C12orf42: variants seen among roughly 807,000 people sequenced by gnomAD.
C12orf42 encodes chromosome 12 open reading frame 42, also known as uncharacterized protein C12orf42.
C12orf42 carries 25 observed loss-of-function variants against 21.6 expected under a neutral mutation model. That is an observed-to-expected ratio of 1.16 (90% confidence interval 0.84 to 1.62). C12orf42 has a LOEUF of 1.62. Among genes scored for constraint, C12orf42 ranks in the 40% most tolerant of loss-of-function variants. The pLI, the probability that C12orf42 is intolerant of heterozygous loss-of-function variation, is 0.00. For missense variants in C12orf42, 483 were observed against 459.3 expected, an observed-to-expected ratio of 1.05 and a Z score of -0.47; for synonymous variants, 174 against 175.0, an observed-to-expected ratio of 0.99 and a Z score of 0.05.
the C12orf42 span, among the ~76,000 whole-genome samples, chr12:103,521,999 C>G: frequency 6.6e-6 from 1 of 152,182 alleles, no homozygotes; most frequent in African/African-American, 2.4e-5. Context: ...GTTGTGCTGT[C>G]TCCTGGTTGG....
At chr12:103,320,882 G>A (rs186141429) in intron 4 of C12orf42, among the ~76,000 whole-genome samples, 1 of 152,242 alleles carries the variant, frequency 6.6e-6, no homozygotes, top group Admixed American at 6.5e-5. Flanking sequence ...TGTCTTAGGT[G>A]AGTATACCTT....
At chr12:103,175,478 A>C in the C12orf42 span, among the ~76,000 whole-genome samples, 1 of 152,242 alleles carries the variant, frequency 6.6e-6, no homozygotes, top group Non-Finnish European at 1.5e-5. Context: ...TAAAATGCAT[A>C]TGCCCTAAAA....
chr12:103,350,561 A>G (rs1468741292), intron 4 of C12orf42, among the ~76,000 whole-genome samples: 2 of 152,168 alleles, frequency 1.3e-5, no homozygotes, highest in East Asian at 1.9e-4. Context: ...AAACTTCATC[A>G]TATCTATGTA....
At chr12:103,222,011 G>A in the C12orf42 span, among the ~76,000 whole-genome samples, 2 of 152,168 alleles carry the variant, frequency 1.3e-5, no homozygotes, top group Non-Finnish European at 2.9e-5. Context: ...CAATTTGGTA[G>A]GCATCAACAT....
chr12:103,066,938 G>A, the C12orf42 span, among the ~76,000 whole-genome samples: 1 of 152,138 alleles, frequency 6.6e-6, no homozygotes, highest in African/African-American at 2.4e-5. Flanking sequence ...TGCCCAATGG[G>A]CCCATGAACA....
the C12orf42 span, among the ~76,000 whole-genome samples, chr12:103,158,011 T>A: frequency 1.2e-4 from 18 of 152,218 alleles, no homozygotes; most frequent in African/African-American, 4.3e-4. Context: ...TATGATTTTT[T>A]AAATTTTCAC....
chr12:103,073,691 G>A, the C12orf42 span, among the ~76,000 whole-genome samples: 9 of 151,970 alleles, frequency 5.9e-5, no homozygotes, highest in South Asian at 2.1e-4. Context: ...CCAAATGCCT[G>A]CAAAAAGAAA....
the C12orf42 span, among the ~76,000 whole-genome samples, chr12:103,203,807 T>G: frequency 1.3e-5 from 2 of 152,152 alleles, no homozygotes; most frequent in Non-Finnish European, 2.9e-5. Flanking sequence ...CACAGATATG[T>G]GTAACCAAAC....
chr12:103,401,645 T>G lies in C12orf42; in HGVS notation c.109A>C (p.Ser37Arg), dbSNP rs1446785266. The G allele has an allele frequency of 6.2e-6, 10 of 1,613,854 alleles. No individual in the cohort carries two copies. The highest frequency in any genetic ancestry group is 8.5e-6 in the Non-Finnish European group (10 of 1,179,866). ...KSPCYIPIVS[S>R]ATLWDRSTPS... ...GTGCTTCTATCCCACAGGGTGGCAC[T>G]GCTCACAATGGGAATATAGCAAGGG... The change falls in exon 3 of 6, where the codon AGT becomes CGT. Residue 37 changes from serine to arginine, a missense_variant. Coordinates refer to ENST00000548883, the MANE Select transcript of C12orf42 (RefSeq NM_198521.5).
intron 4 of C12orf42, among the ~76,000 whole-genome samples, 160 bp downstream of exon 4, chr12:103,368,727 T>C (rs2044868783): frequency 6.6e-6 from 1 of 152,104 alleles, no homozygotes. Context: ...AGTCCATCTT[T>C]GGATTTACTA....
the C12orf42 span, among the ~76,000 whole-genome samples, chr12:103,074,119 G>A: frequency 2.6e-5 from 4 of 152,082 alleles, no homozygotes; most frequent in Non-Finnish European, 4.4e-5. Context: ...ACATGTTTAC[G>A]GGGAGTTAAC....
chr12:103,089,151 T>C, the C12orf42 span, among the ~76,000 whole-genome samples: 1 of 143,728 alleles, frequency 7.0e-6, no homozygotes, highest in East Asian at 2.1e-4. Context: ...CCCTTGAGTG[T>C]GCAATCTTCA....
At chr12:103,329,947 A>G (rs1028046112) in intron 4 of C12orf42, among the ~76,000 whole-genome samples, 16 of 152,036 alleles carry the variant, frequency 1.1e-4, no homozygotes, top group African/African-American at 3.6e-4. Context: ...TAATACAGAT[A>G]ATTTAGTATT....
chr12:103,383,733 T>G (rs998200317), intron 3 of C12orf42, among the ~76,000 whole-genome samples: 12 of 152,208 alleles, frequency 7.9e-5, no homozygotes, highest in Admixed American at 6.5e-4. Context: ...ATTACAGAAG[T>G]TCGCCTATAC....
intron 2 of C12orf42, among the ~76,000 whole-genome samples, chr12:103,418,833 T>A (rs1373703592): frequency 5.4e-5 from 5 of 91,846 alleles, no homozygotes; most frequent in Non-Finnish European, 8.3e-5. Flanking sequence ...TTCCGTTAAA[T>A]TTTTTTTTTT....
chr12:103,048,151 A>G, the C12orf42 span, among the ~76,000 whole-genome samples: 1 of 151,960 alleles, frequency 6.6e-6, no homozygotes, highest in South Asian at 2.1e-4. Flanking sequence ...GTAAACGGAG[A>G]TGAGGCCGTG....
downstream of C12orf42, among the ~76,000 whole-genome samples, chr12:103,237,319 G>A (rs1483928052): frequency 6.6e-6 from 1 of 151,998 alleles, no homozygotes; most frequent in Admixed American, 6.6e-5. Flanking sequence ...ATGAAGAGGG[G>A]GATATCAAAC....
Position 103,366,156 on chromosome 12 carries a change from C to T in C12orf42, c.259+2731G>A, listed in dbSNP as rs894688701. 2.6e-5 allele frequency among the ~76,000 whole-genome samples: 4 copies of T among 151,822 alleles called. No homozygotes were observed. The East Asian group carries it at 7.7e-4, about 29-fold the overall frequency. On this transcript the variant is annotated intron_variant, in intron 4 of 5. Transcript: ENST00000548883. ...ACAGAATAGCAAACCCAGAGATAAA[C>T]CTAAATACTTACAGCCAGCTGATCT...
chr12:103,208,009 A>C, the C12orf42 span, among the ~76,000 whole-genome samples: 9 of 152,278 alleles, frequency 5.9e-5, no homozygotes, highest in East Asian at 1.4e-3. Flanking sequence ...CAGAATGGAA[A>C]AGCTTTTGTT....
Sources: gnomAD v4.1 joint callset for allele counts (sites outside exome capture counted in the v4.1 genomes callset) on GRCh38, gnomAD v4.1.1 for gene constraint, MANE v1.5 for transcripts, NCBI Gene and HGNC (gene_info 2026-07-23, HGNC 2026-07-21) for gene names.